TP63: variants seen among roughly 807,000 people sequenced by gnomAD.
The protein encoded by TP63 is tumor protein p63, also known as tumor protein 63.
In TP63, 17 loss-of-function variants were observed where a neutral mutation model predicts 82.8. The ratio of observed to expected loss-of-function variants is 0.21; its 90% CI spans 0.14 to 0.31. TP63 has a LOEUF of 0.31. Among genes scored for constraint, TP63 ranks in the 10% least tolerant of loss-of-function variants. The probability of loss-of-function intolerance (pLI) is 1.00; values close to 1 mark genes in which losing one functional copy is unlikely to be tolerated. For missense variants in TP63, 648 were observed against 895.3 expected, an observed-to-expected ratio of 0.72 and a Z score of 3.52; for synonymous variants, 330 against 321.7, an observed-to-expected ratio of 1.03 and a Z score of -0.28.
intron 3 of TP63, among the ~76,000 whole-genome samples, chr3:189,765,433 C>CTTTTTTTTTT (rs576530590): frequency 0.11 from 3,283 of 29,950 alleles, 1,477 homozygotes; most frequent in African/African-American, 0.18. Context: ...CTGTCCTCTG[C>CTTTTTTTTTT]TTTTTTTTTT....
rs746152618 is a variant in TP63 at position 189,894,548 on chromosome 3, C to A, written c.*46C>A. 6.2e-7 allele frequency: 1 copy of A among 1,605,658 alleles called. No homozygotes were observed. The highest frequency in any genetic ancestry group is 8.5e-7 in the Non-Finnish European group (1 of 1,177,904). On this transcript the variant is annotated 3_prime_UTR_variant, in exon 14 of 14. Transcript: ENST00000264731. ...CCTATCCCTCTCCTAACTGCCAGCC[C>A]CCTAAAAGCACTCCTGCTTAATCTT...
intron 3 of TP63, among the ~76,000 whole-genome samples, chr3:189,771,198 C>G (rs755350821): frequency 6.7e-6 from 1 of 148,820 alleles, no homozygotes; most frequent in Non-Finnish European, 1.5e-5. Context: ...TGAATGAGCT[C>G]TCAAAGATAA....
In TP63 at chr3:189,677,419, C is replaced by T. The variant is rs1392078160; in HGVS notation, c.62+45842C>T. ...GTGTGTATATATATACATATATACA[C>T]GTATACATATATACATATATATATA... On this transcript the variant is annotated intron_variant, in intron 1 of 13. Coordinates refer to ENST00000264731, the MANE Select transcript of TP63 (RefSeq NM_003722.5). Among the ~76,000 whole-genome samples, 11 of 138,492 alleles carry T rather than the reference C, an allele frequency of 7.9e-5. 1 individual carries two copies. In the East Asian group the frequency reaches 2.0e-3, roughly 25 times the overall value. The allele number at this position is 138,492 out of a possible 152,430, so 90.9% of individuals were successfully genotyped here.
intron 3 of TP63, among the ~76,000 whole-genome samples, chr3:189,758,821 C>T (rs1017009056): frequency 6.6e-6 from 1 of 152,156 alleles, no homozygotes; most frequent in Admixed American, 6.5e-5. Flanking sequence ...TATGACTTGA[C>T]CATCATTTCC....
chr3:189,732,196 A>G (rs994601923), intron 1 of TP63, among the ~76,000 whole-genome samples: 1 of 152,204 alleles, frequency 6.6e-6, no homozygotes, highest in Admixed American at 6.5e-5. Flanking sequence ...GAACACACTG[A>G]GTCACCAGGA....
chr3:189,886,621 G>A, intron 11 of TP63, 70 bp downstream of exon 11: 1 of 1,596,688 alleles, frequency 6.3e-7, no homozygotes, highest in South Asian at 1.1e-5. Flanking sequence ...TCTGTGATGG[G>A]GAAGGCATGT....
chr3:189,669,019 AC>A (rs1451528383), intron 1 of TP63, among the ~76,000 whole-genome samples: 3 of 71,162 alleles, frequency 4.2e-5, no homozygotes, highest in South Asian at 8.0e-4. Flanking sequence ...GATGAAAGAA[AC>A]CAAAAAAAAA....
chr3:189,621,036 A>C, the TP63 span, among the ~76,000 whole-genome samples: 1 of 152,176 alleles, frequency 6.6e-6, no homozygotes, highest in Non-Finnish European at 1.5e-5. Context: ...CATCTAAGAC[A>C]CTTTCTTTCA....
the TP63 span, among the ~76,000 whole-genome samples, chr3:189,619,556 A>G: frequency 6.6e-6 from 1 of 152,166 alleles, no homozygotes; most frequent in African/African-American, 2.4e-5. Context: ...GTAAGACACC[A>G]AAGATGTCCT....
At chr3:189,622,273 T>C in the TP63 span, among the ~76,000 whole-genome samples, 1 of 152,232 alleles carries the variant, frequency 6.6e-6, no homozygotes, top group Non-Finnish European at 1.5e-5. Context: ...GGACATGTGC[T>C]GGAAACCATG....
At chr3:189,678,011 T>C (rs1715596039) in intron 1 of TP63, among the ~76,000 whole-genome samples, 1 of 152,076 alleles carries the variant, frequency 6.6e-6, no homozygotes. Flanking sequence ...CTTTGTAGGA[T>C]GCATGGTTTG....
chr3:189,747,986 A>G (rs1479212380), intron 3 of TP63, among the ~76,000 whole-genome samples: 1 of 152,072 alleles, frequency 6.6e-6, no homozygotes, highest in Admixed American at 6.5e-5. Context: ...ACATATTGCA[A>G]CCTACTAAGG....
At chr3:189,724,822 C>T (rs1015241170) in intron 1 of TP63, among the ~76,000 whole-genome samples, 11 of 152,084 alleles carry the variant, frequency 7.2e-5, no homozygotes, top group African/African-American at 1.9e-4. Context: ...GGGATGCATC[C>T]GGGAACGGGG....
chr3:189,711,760 C>T (rs1718611923), intron 1 of TP63, among the ~76,000 whole-genome samples: 2 of 152,196 alleles, frequency 1.3e-5, no homozygotes, highest in South Asian at 4.1e-4. Context: ...AACCTGTTTT[C>T]TTTCATGTGG....
At chr3:189,765,535 A>G (rs1260050413) in intron 3 of TP63, among the ~76,000 whole-genome samples, 1 of 143,322 alleles carries the variant, frequency 7.0e-6, no homozygotes, top group African/African-American at 2.6e-5. Context: ...TCCCGGGTTC[A>G]CGCCATTCTG....
chr3:189,806,306 G>C (rs949733276), intron 3 of TP63, among the ~76,000 whole-genome samples: 3 of 152,060 alleles, frequency 2.0e-5, no homozygotes, highest in Admixed American at 6.5e-5. Flanking sequence ...TTTACTGCCT[G>C]CGAGAAAGTG....
At chr3:189,674,024 T>C (rs1715167799) in intron 1 of TP63, among the ~76,000 whole-genome samples, 1 of 152,062 alleles carries the variant, frequency 6.6e-6, no homozygotes, top group African/African-American at 2.4e-5. Context: ...AAACAACATA[T>C]GATTGATAGC....
At chr3:189,873,049 G>A in intron 10 of TP63, 54 bp downstream of exon 10, 1 of 1,613,034 alleles carries the variant, frequency 6.2e-7, no homozygotes, top group Non-Finnish European at 8.5e-7. Flanking sequence ...GACTTTATTT[G>A]GATCAGCAAT....
chr3:189,856,595 A>G (rs1297649607), intron 4 of TP63, among the ~76,000 whole-genome samples: 5 of 152,058 alleles, frequency 3.3e-5, no homozygotes, highest in Non-Finnish European at 5.9e-5. Context: ...CATAGTTGAC[A>G]TGATCATCTA....
Sources: gnomAD v4.1 joint callset for allele counts (sites outside exome capture counted in the v4.1 genomes callset) on GRCh38, gnomAD v4.1.1 for gene constraint, MANE v1.5 for transcripts, NCBI Gene and HGNC (gene_info 2026-07-23, HGNC 2026-07-21) for gene names.